The following PRKACB variants were observed in gnomAD, a reference collection of about 807,000 sequenced individuals.
PRKACB encodes the protein cAMP-dependent protein kinase catalytic subunit beta.
A neutral mutation model predicts 51.4 loss-of-function variants in PRKACB; 16 were observed. That is an observed-to-expected ratio of 0.31 (90% CI 0.21 to 0.47). The LOEUF is 0.47. Among genes scored for constraint, PRKACB ranks in the 20% least tolerant of loss-of-function variants. The probability of loss-of-function intolerance (pLI) is 1.00; values close to 1 mark genes in which losing one functional copy is unlikely to be tolerated. For synonymous variants in PRKACB, 147 were observed against 154.4 expected, an observed-to-expected ratio of 0.95 and a Z score of 0.35; for missense variants, 309 against 464.5, an observed-to-expected ratio of 0.67 and a Z score of 3.08.
At chr1:84,188,881 A>G (rs1665953259) in intron 5 of PRKACB, among the ~76,000 whole-genome samples, 1 of 151,948 alleles carries the variant, frequency 6.6e-6, no homozygotes, top group Admixed American at 6.6e-5. Context: ...AAAACGGAGT[A>G]ACAGGTCACT....
At chr1:84,226,524 C>T (rs995414055) in intron 9 of PRKACB, among the ~76,000 whole-genome samples, 7 of 151,890 alleles carry the variant, frequency 4.6e-5, no homozygotes, top group East Asian at 1.9e-4. Context: ...TTTGCTTTCC[C>T]GTTATAGTAG....
At chr1:84,106,774 C>CA (rs1410827496) in intron 1 of PRKACB, among the ~76,000 whole-genome samples, 3 of 152,088 alleles carry the variant, frequency 2.0e-5, no homozygotes, top group African/African-American at 7.2e-5. Context: ...CATATGAAAC[C>CA]AAAAAAGAGC....
intron 1 of PRKACB, among the ~76,000 whole-genome samples, chr1:84,120,269 G>A (rs957374325): frequency 4.6e-5 from 7 of 152,020 alleles, no homozygotes; most frequent in African/African-American, 1.7e-4. Flanking sequence ...ATTTTCAAAT[G>A]GGTAACTTAT....
chr1:84,232,084 T>C (rs1675782186), intron 9 of PRKACB, among the ~76,000 whole-genome samples: 1 of 152,174 alleles, frequency 6.6e-6, no homozygotes, highest in Non-Finnish European at 1.5e-5. Flanking sequence ...CTCCACACAC[T>C]GCTTTGAATG....
intron 1 of PRKACB, among the ~76,000 whole-genome samples, chr1:84,100,859 G>A (rs1405229338): frequency 6.6e-6 from 1 of 152,186 alleles, no homozygotes; most frequent in Admixed American, 6.5e-5. Context: ...CTGAGGCATA[G>A]ATTAAGTAAC....
At chr1:84,140,376 A>G (rs1653285386), upstream of PRKACB, among the ~76,000 whole-genome samples, 1 of 152,206 alleles carries the variant, frequency 6.6e-6, no homozygotes. Context: ...TACTAAATGA[A>G]AGAAGCCAAT....
intron 1 of PRKACB, among the ~76,000 whole-genome samples, chr1:84,166,303 C>T (rs1657458085): frequency 6.6e-6 from 1 of 151,650 alleles, no homozygotes; most frequent in South Asian, 2.1e-4. Context: ...GGTTGTCATA[C>T]ATATATTTAT....
intron 9 of PRKACB, among the ~76,000 whole-genome samples, chr1:84,233,534 A>G (rs1676110052): frequency 8.4e-6 from 1 of 118,944 alleles, no homozygotes; most frequent in African/African-American, 3.3e-5. Flanking sequence ...CATTCTCCCC[A>G]TCACTTTCAG....
At chr1:84,161,202 T>A (rs991379097) in intron 1 of PRKACB, among the ~76,000 whole-genome samples, 1 of 151,922 alleles carries the variant, frequency 6.6e-6, no homozygotes, top group African/African-American at 2.4e-5. Context: ...TATTGGCCTT[T>A]TATAATTATG....
chr1:84,164,321 T>C, intron 1 of PRKACB: 1 of 1,534,022 alleles, frequency 6.5e-7, no homozygotes, highest in Non-Finnish European at 8.8e-7. Flanking sequence ...CATTTTAATA[T>C]CAGTGAGGTC....
chr1:84,220,860 T>A (rs952379470), intron 9 of PRKACB, among the ~76,000 whole-genome samples: 1 of 152,192 alleles, frequency 6.6e-6, no homozygotes, highest in Non-Finnish European at 1.5e-5. Flanking sequence ...TTGTTAAAAA[T>A]TTTTGTGTCT....
At chr1:84,190,137 A>T (rs1297911041) in intron 5 of PRKACB, among the ~76,000 whole-genome samples, 1 of 151,918 alleles carries the variant, frequency 6.6e-6, no homozygotes, top group Non-Finnish European at 1.5e-5. Context: ...TCTTACATTC[A>T]TATTTTGACT....
At chr1:84,222,007 A>G (rs1269614862) in intron 9 of PRKACB, among the ~76,000 whole-genome samples, 1 of 152,118 alleles carries the variant, frequency 6.6e-6, no homozygotes, top group Non-Finnish European at 1.5e-5. Flanking sequence ...TAATCTGTAC[A>G]ATGCTGAGAA....
chr1:84,137,735 AC>A (rs1652967638), intron 1 of PRKACB, among the ~76,000 whole-genome samples: 1 of 152,196 alleles, frequency 6.6e-6, no homozygotes, highest in Non-Finnish European at 1.5e-5. Flanking sequence ...TTGTTAACCT[AC>A]CTACCAGGTT....
chr1:84,143,311 G>T (rs1036039938), upstream of PRKACB, among the ~76,000 whole-genome samples: 9 of 152,092 alleles, frequency 5.9e-5, no homozygotes, highest in Non-Finnish European at 1.2e-4. Context: ...AATTAGCCGG[G>T]CATGGTGGTG....
chr1:84,179,255 T>G lies in PRKACB; in HGVS notation c.249+17T>G. 6.5e-7 allele frequency: 1 copy of G among 1,546,018 alleles called. No homozygotes were observed. The highest frequency in any genetic ancestry group is 8.7e-7 in the Non-Finnish European group (1 of 1,150,502). ...CCAACTCAGGTAAGGAATATTTAGA[T>G]TTTTCTAAAATTAAAAATCTTGTAT... On this transcript the variant is annotated intron_variant, in intron 2 of 9. Transcript: ENST00000370685.
chr1:84,161,651 A>G (rs1462033067), intron 1 of PRKACB, among the ~76,000 whole-genome samples: 2 of 151,920 alleles, frequency 1.3e-5, no homozygotes, highest in Non-Finnish European at 2.9e-5. Flanking sequence ...ATAATACACA[A>G]GATTATAATT....
At chr1:84,227,917 GA>G (rs1325940886) in intron 9 of PRKACB, among the ~76,000 whole-genome samples, 4 of 150,286 alleles carry the variant, frequency 2.7e-5, no homozygotes, top group Non-Finnish European at 4.4e-5. Flanking sequence ...AATGATCAAG[GA>G]AAAAAAAAGG....
At chr1:84,192,032 C>T (rs1474134199) in intron 5 of PRKACB, among the ~76,000 whole-genome samples, 1 of 151,918 alleles carries the variant, frequency 6.6e-6, no homozygotes, top group East Asian at 1.9e-4. Flanking sequence ...ATCTAAACAC[C>T]TATACTAATG....
Sources: allele counts gnomAD v4.1 joint callset (sites outside exome capture counted in the v4.1 genomes callset), GRCh38; gene constraint gnomAD v4.1.1; transcripts MANE v1.5; gene names NCBI Gene and HGNC (gene_info 2026-07-23, HGNC 2026-07-21).